Variants in TNIP3 observed in about 807,000 individuals in gnomAD.
TNIP3 encodes the protein TNFAIP3-interacting protein 3.
A neutral mutation model predicts 54.1 loss-of-function variants in TNIP3; 34 were observed. The ratio of observed to expected loss-of-function variants is 0.63; its 90% CI spans 0.48 to 0.84. TNIP3 has a LOEUF of 0.84. TNIP3 is among the 40% of genes least tolerant of loss of function. The pLI is 0.00. For synonymous variants in TNIP3, 134 were observed against 136.8 expected, an observed-to-expected ratio of 0.98 and a Z score of 0.14; for missense variants, 366 against 387.6, an observed-to-expected ratio of 0.94 and a Z score of 0.47.
intron 5 of TNIP3, 117 bp downstream of exon 5, chr4:121,154,434 T>G (rs999545184): frequency 7.8e-7 from 1 of 1,276,622 alleles, no homozygotes; most frequent in African/African-American, 1.5e-5. Context: ...TAATTTCTTG[T>G]GCAAGCCTCC....
chr4:121,193,706 A>G (rs1268721621), intron 2 of TNIP3, among the ~76,000 whole-genome samples: 4 of 152,168 alleles, frequency 2.6e-5, no homozygotes, highest in African/African-American at 9.7e-5. Flanking sequence ...ATAATGCTAC[A>G]TTGGGGAATC....
At chr4:121,182,676 C>T (rs1330270547) in exon 3 of TNIP3, 1 of 1,533,858 alleles carries the variant, frequency 6.5e-7, no homozygotes, top group Non-Finnish European at 8.7e-7. Flanking sequence ...GTTTTCTTAC[C>T]TTCAGAGAAC....
intron 6 of TNIP3, among the ~76,000 whole-genome samples, chr4:121,149,827 C>T (rs1049961387): frequency 1.2e-4 from 18 of 152,180 alleles, no homozygotes; most frequent in African/African-American, 4.3e-4. Flanking sequence ...AATAGAACCT[C>T]ACCCAAAGGT....
intron 2 of TNIP3, among the ~76,000 whole-genome samples, chr4:121,207,044 A>C (rs1301619180): frequency 2.6e-5 from 4 of 152,176 alleles, no homozygotes; most frequent in Admixed American, 2.6e-4. Flanking sequence ...GTAGACGAAA[A>C]TGTTTTCATT....
intron 10 of TNIP3, chr4:121,138,091 T>C (rs1728897085): frequency 2.4e-6 from 1 of 414,172 alleles, no homozygotes; most frequent in Non-Finnish European, 4.8e-6. Context: ...GAGTACTTCA[T>C]AAGTGACTTT....
chr4:121,212,786 T>C (rs998152765), intron 2 of TNIP3, among the ~76,000 whole-genome samples: 3 of 152,214 alleles, frequency 2.0e-5, no homozygotes, highest in African/African-American at 2.4e-5. Flanking sequence ...GATTCTTTCT[T>C]CTGCCTTTCC....
chr4:121,160,351 C>T (rs1021325214), intron 2 of TNIP3, among the ~76,000 whole-genome samples: 7 of 151,954 alleles, frequency 4.6e-5, no homozygotes, highest in African/African-American at 1.2e-4. Context: ...TGGTCGTGCA[C>T]GCCTGTAATC....
Position 121,141,908 on chromosome 4 carries a change from A to G in TNIP3, c.793T>C (p.Cys265Arg). The G allele has an allele frequency of 6.3e-7, 1 of 1,597,016 alleles. No homozygotes were observed. The highest frequency in any genetic ancestry group is 1.1e-5 in the South Asian group (1 of 88,368). ...KLEKQLKQMY[C>R]PPCNCGLVFH... ...ACCAAGCCGCAGTTACAGGGTGGGCAATACATCTGAGGAGAACAAAACTGT... is the reference window on the plus strand; with the variant it reads ...ACCAAGCCGCAGTTACAGGGTGGGCGATACATCTGAGGAGAACAAAACTGT... Residue 265 changes from cysteine (C) to arginine (R), a missense_variant, in exon 9 of 11, where the codon TGC becomes CGC. Coordinates refer to ENST00000057513, the MANE Select transcript of TNIP3 (RefSeq NM_024873.6).
At chr4:121,175,815 T>C (rs1724290085) in intron 3 of TNIP3, among the ~76,000 whole-genome samples, 2 of 152,362 alleles carry the variant, frequency 1.3e-5, no homozygotes, top group South Asian at 4.1e-4. Context: ...AAATATTTTC[T>C]CTCCTTTAAT....
intron 10 of TNIP3, chr4:121,137,499 T>C (rs540326254): frequency 6.6e-6 from 1 of 152,598 alleles, no homozygotes; most frequent in South Asian, 2.1e-4. Context: ...ATTTCATATT[T>C]CTTTTCTATG....
intron 2 of TNIP3, among the ~76,000 whole-genome samples, chr4:121,209,312 T>G (rs1319088652): frequency 6.6e-6 from 1 of 152,180 alleles, no homozygotes; most frequent in African/African-American, 2.4e-5. Flanking sequence ...AACCTCTGAA[T>G]TTGTAGCATG....
chr4:121,193,219 A>G (rs1673063759), intron 2 of TNIP3, among the ~76,000 whole-genome samples: 2 of 152,186 alleles, frequency 1.3e-5, no homozygotes, highest in South Asian at 4.1e-4. Flanking sequence ...TGTCATATGT[A>G]AGCTCATTTT....
upstream of TNIP3, among the ~76,000 whole-genome samples, chr4:121,219,497 C>G (rs967931672): frequency 6.6e-6 from 1 of 152,216 alleles, no homozygotes; most frequent in African/African-American, 2.4e-5. Flanking sequence ...TTTACACAAT[C>G]CATAGTTCCA....
intron 2 of TNIP3, among the ~76,000 whole-genome samples, chr4:121,197,889 T>C (rs944839054): frequency 2.6e-5 from 4 of 152,312 alleles, no homozygotes; most frequent in Middle Eastern, 6.8e-3. Flanking sequence ...TCACTACTAT[T>C]CAAGTGTTTT....
At chr4:121,169,159 C>T (rs1305146889), upstream of TNIP3, among the ~76,000 whole-genome samples, 2 of 152,094 alleles carry the variant, frequency 1.3e-5, no homozygotes, top group Non-Finnish European at 2.9e-5. Flanking sequence ...GAAAGCAGAA[C>T]TCTTTATAGT....
In TNIP3 at chr4:121,225,432, GT is replaced by G. The variant is rs201786289; in HGVS notation, c.3+1952del. Among the ~76,000 whole-genome samples the G allele has an allele frequency of 7.2e-3, 1,098 of 151,942 alleles. 12 individuals carry two copies. Among genetic ancestry groups the G allele is most frequent in the African/African-American group, 0.026 (1,065 of 41,466 alleles). On this transcript the variant is annotated intron_variant, in intron 1 of 12. Transcript: ENST00000509841. ...CATTAGAAAAGCATTTTTTCTTCTT[GT>G]TTTTTTCTTTAAGACTTGTGGATGT...
intron 2 of TNIP3, among the ~76,000 whole-genome samples, chr4:121,188,013 A>G (rs1016599635): frequency 7.2e-5 from 11 of 152,132 alleles, no homozygotes; most frequent in Non-Finnish European, 1.3e-4. Context: ...TATTACTAAA[A>G]TCTTGATTTA....
At chr4:121,149,448 G>C (rs1264317164) in intron 6 of TNIP3, among the ~76,000 whole-genome samples, 2 of 152,206 alleles carry the variant, frequency 1.3e-5, no homozygotes, top group African/African-American at 2.4e-5. Context: ...AAAAAGTCCA[G>C]AGTTGGGATT....
At chr4:121,216,932 C>T (rs72685960), upstream of TNIP3, among the ~76,000 whole-genome samples, 192 of 152,152 alleles carry the variant, frequency 1.3e-3, 1 homozygote, top group African/African-American at 4.2e-3. Context: ...CTAGGAAGAC[C>T]GCTCATGCCA....
Sources: gnomAD v4.1 joint callset for allele counts (sites outside exome capture counted in the v4.1 genomes callset) on GRCh38, gnomAD v4.1.1 for gene constraint, MANE v1.5 for transcripts, NCBI Gene and HGNC (gene_info 2026-07-23, HGNC 2026-07-21) for gene names.